Variants in TLE3 observed in about 807,000 individuals in gnomAD.
TLE3 encodes TLE family member 3, transcriptional corepressor.
Under a neutral mutation model 93.0 loss-of-function variants are expected in TLE3, and 14 were observed. That is an observed-to-expected ratio of 0.15 (90% confidence interval 0.10 to 0.24). The LOEUF (loss-of-function observed/expected upper bound fraction) is 0.24, where lower values mean the gene tolerates loss of function less well. TLE3 is among the 10% of genes least tolerant of loss of function. TLE3 has a pLI of 1.00. For synonymous variants in TLE3, 451 were observed against 425.0 expected (o/e 1.06, Z -0.75); for missense variants, 693 against 1,046.6 (o/e 0.66, Z 4.66).
rs148663583 is a variant in TLE3 at position 70,059,749 on chromosome 15, C to G, written c.715-289G>C. Among the ~76,000 whole-genome samples, 1,002 of 152,362 alleles carry G rather than the reference C, an allele frequency of 6.6e-3. 10 individuals carry two copies. The highest frequency in any genetic ancestry group is 0.022 in the African/African-American group (908 of 41,580). ...CATAGCAGTTCTAAGCCCCTGCCCC[C>G]ACAGCCTGCCCTTCTGCTTCTCTCT... On this transcript the variant is annotated intron_variant, in intron 9 of 19. Transcript: ENST00000451782.
intron 6 of TLE3, among the ~76,000 whole-genome samples, chr15:70,072,052 G>A (rs531798112): frequency 1.0e-3 from 158 of 152,210 alleles, no homozygotes; most frequent in Non-Finnish European, 1.8e-4. Flanking sequence ...TCTGTCAGGC[G>A]CAGCGATTAG....
intron 6 of TLE3, among the ~76,000 whole-genome samples, chr15:70,074,148 G>A (rs1595939823): frequency 6.6e-6 from 1 of 152,282 alleles, no homozygotes; most frequent in South Asian, 2.1e-4. Flanking sequence ...ACTTCTGCCA[G>A]GGAGGAGGCA....
At chr15:70,057,725 C>A in intron 12 of TLE3, 67 bp from the exon 13 acceptor site, 1 of 1,514,334 alleles carries the variant, frequency 6.6e-7, no homozygotes, top group Non-Finnish European at 8.9e-7. Flanking sequence ...GCCGCCTCAC[C>A]CAGCAATAAC....
intron 4 of TLE3, among the ~76,000 whole-genome samples, 172 bp downstream of exon 4, chr15:70,094,360 A>C (rs2058448809): frequency 6.6e-6 from 1 of 152,106 alleles, no homozygotes; most frequent in Non-Finnish European, 1.5e-5. Context: ...CTAAAAAAAA[A>C]TCAGCAAAGC....
intron 9 of TLE3, 109 bp from the exon 10 acceptor site, chr15:70,059,569 C>CA: frequency 9.5e-7 from 1 of 1,055,750 alleles, no homozygotes; most frequent in Non-Finnish European, 1.4e-6. Context: ...GAAGCCAGGC[C>CA]AAACCCCAAA....
Position 70,058,886 on chromosome 15 carries a change from T to G in TLE3, c.766-71A>C, listed in dbSNP as rs1595884187. 6.8e-7 allele frequency: 1 copy of G among 1,463,620 alleles called. No homozygotes were observed. The highest frequency in any genetic ancestry group is 9.0e-7 in the Non-Finnish European group (1 of 1,110,042). 90.7% of individuals were successfully genotyped at this position (1,463,620 alleles called of 1,614,324 possible). A position where few individuals can be genotyped will look rare whatever the true frequency, so the allele number is the denominator to read the frequency against. The stretch of plus-strand genomic sequence containing the variant: ...CCTCGAGGCTTCCCTGCTCTGGGAG[T>G]GGGAAGAGAGAGGGCATGGGCGATG... On this transcript the variant is annotated intron_variant, in intron 10 of 19. Coordinates refer to ENST00000451782, the MANE Select transcript of TLE3 (RefSeq NM_001105192.3). This position sits in a 1 kb window ranked among gnomAD's most constrained non-coding sequence, Gnocchi z 4.1.
rs374765740 is a variant in TLE3, at chr15:70,097,411, C to A, written c.-613G>T. ...CCCGGCGCGGGCGCTTCGACGCCCC[C>A]CCTCGGAGAGGAGAGCCTGCTGTTC... On this transcript the variant is annotated 5_prime_UTR_variant, in exon 1 of 20. Coordinates refer to ENST00000451782, the MANE Select transcript of TLE3 (RefSeq NM_001105192.3). 12 of 411,046 alleles carry A rather than the reference C, an allele frequency of 2.9e-5. No individual in the cohort carries two copies. The highest frequency in any genetic ancestry group is 4.7e-5 in the Non-Finnish European group (11 of 233,466). The allele number at this position is 411,046 out of a possible 1,614,324, so 25.5% of individuals were successfully genotyped here. A position where few individuals can be genotyped will look rare whatever the true frequency, so the allele number is the denominator to read the frequency against.
rs1274547499 is a variant in TLE3 at position 70,058,284 on chromosome 15, T to G, written c.926A>C (p.Lys309Thr). The change falls in exon 12 of 20, where the codon AAA becomes ACA. Residue 309 changes from lysine to threonine, a missense_variant. Physicochemically the swap from Lys to Thr is moderately conservative, Grantham distance 78. Around this residue, in one of 4 missense-constraint regions of TLE3, gnomAD observed 405 missense variants for 468.9 expected, o/e 0.86. Transcript: ENST00000451782. The surrounding 1 kb of genome is among the most constrained non-coding windows in gnomAD (Gnocchi z 4.1). ...SKTKDLGHNDKSSTPGLKSNT... is the reference protein window; with the variant it reads ...SKTKDLGHNDTSSTPGLKSNT... ...GGACTTGAGCCCAGGGGTGGAGGAT[T>G]TGTCGTTCTGAAGAGGGGAGATGCA... 1.9e-6 allele frequency: 3 copies of G among 1,606,844 alleles called. No homozygotes were observed. Among genetic ancestry groups the G allele is most frequent in the African/African-American group, 1.3e-5 (1 of 74,782 alleles).
At chr15:70,069,571 T>C (rs2057020853) in intron 6 of TLE3, among the ~76,000 whole-genome samples, 1 of 152,222 alleles carries the variant, frequency 6.6e-6, no homozygotes. Flanking sequence ...AAGAGCAACC[T>C]GCTGCAAAGA....
In TLE3 at chr15:70,058,618, C is replaced by T. The variant is rs747499981; in HGVS notation, c.918+45G>A. On this transcript the variant is annotated intron_variant, in intron 11 of 19. Transcript: ENST00000451782. The surrounding 1 kb of genome is among the most constrained non-coding windows in gnomAD (Gnocchi z 4.1). Reference sequence around the variant, plus strand: ...CAATCGGCACCACCCCAGCTCCAGTCCCTGCCGCTCCCTTCCCACTCCCTT... The same window carrying T: ...CAATCGGCACCACCCCAGCTCCAGTTCCTGCCGCTCCCTTCCCACTCCCTT... 6.5e-7 allele frequency: 1 copy of T among 1,534,346 alleles called. No homozygotes were observed. Among genetic ancestry groups the T allele is most frequent in the African/African-American group, 1.4e-5 (1 of 72,606 alleles).
chr15:70,059,635 C>A (rs1024521281), intron 9 of TLE3, among the ~76,000 whole-genome samples, 175 bp from the exon 10 acceptor site: 2 of 152,212 alleles, frequency 1.3e-5, no homozygotes, highest in African/African-American at 2.4e-5. Flanking sequence ...CAGCTCAACA[C>A]GGTCTCCCCG....
intron 4 of TLE3, among the ~76,000 whole-genome samples, chr15:70,086,868 C>T (rs1193627318): frequency 6.7e-6 from 1 of 149,858 alleles, no homozygotes; most frequent in Non-Finnish European, 1.5e-5. Context: ...CACCCCCACC[C>T]TGCCTTCTTC....
Position 70,061,878 on chromosome 15 carries a change from A to AGGGGGGACTGT in TLE3, c.595-1230_595-1229insACAGTCCCCCC, listed in dbSNP as rs1209675908. ...CCAGGTCCCAGTCCCCATGCAACAC[A>AGGGGGGACTGT]GGAGGTCATATGGAGACCCAGAGGG... On this transcript the variant is annotated intron_variant, in intron 8 of 19. Coordinates refer to ENST00000451782, the MANE Select transcript of TLE3 (RefSeq NM_001105192.3). Among the ~76,000 whole-genome samples, 1,343 of 152,330 alleles carry AGGGGGGACTGT rather than the reference A, an allele frequency of 8.8e-3. 25 individuals are homozygous for AGGGGGGACTGT. The highest frequency in any genetic ancestry group is 0.031 in the African/African-American group (1,302 of 41,566).
At chr15:70,081,079 G>GT (rs1217470817) in intron 4 of TLE3, among the ~76,000 whole-genome samples, 2 of 152,186 alleles carry the variant, frequency 1.3e-5, no homozygotes, top group East Asian at 3.8e-4. Context: ...CAAAGAGTGT[G>GT]TTATGCTCCA....
chr15:70,083,163 G>A (rs968136931), intron 4 of TLE3, among the ~76,000 whole-genome samples: 2 of 152,162 alleles, frequency 1.3e-5, no homozygotes, highest in Non-Finnish European at 2.9e-5. Flanking sequence ...TGCTGTGTGA[G>A]TGCCCTGCCC....
intron 2 of TLE3, 38 bp from the exon 3 acceptor site, chr15:70,095,679 T>A: frequency 6.5e-7 from 1 of 1,549,588 alleles, no homozygotes; most frequent in Non-Finnish European, 8.7e-7. Context: ...GCGTGGCGCC[T>A]GGACAGCCTC....
rs2058632193 is a variant in TLE3 at position 70,097,794 on chromosome 15, G to A, written c.-996C>T. ...ACACACACCCAACACACACACACGCGCGCACGCACACACACACACACCAAA... is the reference window on the plus strand; with the variant it reads ...ACACACACCCAACACACACACACGCACGCACGCACACACACACACACCAAA... On this transcript the variant is annotated 5_prime_UTR_variant, in exon 1 of 20. Transcript: ENST00000451782. 4 of 365,900 alleles carry A rather than the reference G, an allele frequency of 1.1e-5. No individual in the cohort carries two copies. The highest frequency in any genetic ancestry group is 1.4e-5 in the Non-Finnish European group (3 of 213,620). The allele number at this position is 365,900 out of a possible 1,614,324, so 22.7% of individuals were successfully genotyped here. A position where few individuals can be genotyped will look rare whatever the true frequency, so the allele number is the denominator to read the frequency against.
intron 8 of TLE3, among the ~76,000 whole-genome samples, chr15:70,063,625 A>T (rs2056634273): frequency 1.3e-5 from 2 of 152,216 alleles, no homozygotes; most frequent in Admixed American, 6.5e-5. Flanking sequence ...ATCCTAACAG[A>T]TTAGATGGCC....
intron 6 of TLE3, chr15:70,067,084 T>C (rs1159270788): frequency 6.2e-6 from 1 of 160,780 alleles, no homozygotes; most frequent in Non-Finnish European, 1.4e-5. Context: ...TTCTAAAAAC[T>C]TGCCATGCAG....
Sources: allele counts gnomAD v4.1 joint callset (sites outside exome capture counted in the v4.1 genomes callset), GRCh38; gene constraint gnomAD v4.1.1; regional missense constraint gnomAD v4.1.1; non-coding constraint Gnocchi (gnomAD v3.1); transcripts MANE v1.5; gene names NCBI Gene and HGNC (gene_info 2026-07-23, HGNC 2026-07-21).